The following TMEM132D variants were observed in gnomAD, a reference collection of about 807,000 sequenced individuals.
The protein encoded by TMEM132D is mature OL transmembrane protein.
A neutral mutation model predicts 62.3 loss-of-function variants in TMEM132D; 21 were observed. The observed-to-expected ratio is 0.34, with a 90% CI of 0.24 to 0.49. The LOEUF is 0.49. TMEM132D is among the 20% of genes least tolerant of loss of function. TMEM132D has a pLI of 0.99. For missense variants in TMEM132D, 1,346 were observed against 1,402.8 expected (o/e 0.96, Z 0.65); for synonymous variants, 621 against 575.6 (o/e 1.08, Z -1.13).
chr12:129,455,921 C>G (rs1215593723), intron 3 of TMEM132D, among the ~76,000 whole-genome samples: 1 of 152,106 alleles, frequency 6.6e-6, no homozygotes, highest in African/African-American at 2.4e-5. Context: ...ACCCTACTCT[C>G]TATGTGAAGA....
At chr12:129,712,400 C>T (rs560568275) in intron 1 of TMEM132D, among the ~76,000 whole-genome samples, 7 of 152,114 alleles carry the variant, frequency 4.6e-5, no homozygotes, top group Admixed American at 1.3e-4. Context: ...CTGGGATTAC[C>T]GGCGTGAGCC....
Position 129,558,506 on chromosome 12 carries a change from C to T in TMEM132D, c.969-27301G>A, listed in dbSNP as rs186640227. On this transcript the variant is annotated intron_variant, in intron 2 of 8. Transcript: ENST00000422113. Reference sequence around the variant, plus strand: ...GATCAGCTCAGTGGGTGATTTCGAGCGTGGGCTCCTAAGCTGCTGGGAACG... The same window carrying T: ...GATCAGCTCAGTGGGTGATTTCGAGTGTGGGCTCCTAAGCTGCTGGGAACG... Among the ~76,000 whole-genome samples, 516 of 152,246 alleles carry T rather than the reference C, an allele frequency of 3.4e-3. 1 individual carries two copies. The highest frequency in any genetic ancestry group is 6.4e-3 in the Admixed American group (98 of 15,288).
intron 2 of TMEM132D, among the ~76,000 whole-genome samples, chr12:129,553,547 G>A (rs1876962561): frequency 6.6e-6 from 1 of 152,208 alleles, no homozygotes; most frequent in Admixed American, 6.5e-5. Flanking sequence ...GGGAGAGGGA[G>A]CGTGGATACC....
At chr12:129,424,129 T>G (rs1038004970) in intron 3 of TMEM132D, among the ~76,000 whole-genome samples, 2 of 152,064 alleles carry the variant, frequency 1.3e-5, no homozygotes, top group Non-Finnish European at 2.9e-5. Context: ...ATACTAATAA[T>G]TCTAATGAAA....
At chr12:129,410,595 T>C (rs1269646774) in intron 3 of TMEM132D, among the ~76,000 whole-genome samples, 1 of 152,150 alleles carries the variant, frequency 6.6e-6, no homozygotes, top group Admixed American at 6.5e-5. Flanking sequence ...CCTGACCTCA[T>C]GATCCACCCG....
rs577646067 is a variant in TMEM132D, at chr12:129,183,778, G to A, written c.1443+25742C>T. On this transcript the variant is annotated intron_variant, in intron 5 of 8. Transcript: ENST00000422113. ...TGGGTAGGGACACGGATGATTCTTT[G>A]GAGCTGGGTAGTGGCTGTCCCCTTG... Among the ~76,000 whole-genome samples, 5 of 151,890 alleles carry A rather than the reference G, an allele frequency of 3.3e-5. No individual in the cohort carries two copies. In the East Asian group the frequency reaches 9.7e-4, roughly 30 times the overall value.
At chr12:129,540,784 C>G (rs145622484) in intron 2 of TMEM132D, among the ~76,000 whole-genome samples, 3 of 152,200 alleles carry the variant, frequency 2.0e-5, no homozygotes, top group Non-Finnish European at 4.4e-5. Context: ...GCCACCATGC[C>G]AGCCTCATTC....
At chr12:129,380,764 T>C (rs901582797) in intron 3 of TMEM132D, among the ~76,000 whole-genome samples, 2 of 152,126 alleles carry the variant, frequency 1.3e-5, no homozygotes, top group African/African-American at 4.8e-5. Flanking sequence ...TATTGTGTTC[T>C]CCATCTCTAA....
chr12:129,480,938 G>A (rs753497448), intron 3 of TMEM132D, among the ~76,000 whole-genome samples: 1 of 152,084 alleles, frequency 6.6e-6, no homozygotes, highest in East Asian at 1.9e-4. Context: ...GAGACAACCC[G>A]GACCCCTTTG....
At chr12:129,259,407 C>T (rs938657480) in intron 4 of TMEM132D, among the ~76,000 whole-genome samples, 1 of 152,078 alleles carries the variant, frequency 6.6e-6, no homozygotes, top group Non-Finnish European at 1.5e-5. Context: ...ACTGCAAAAG[C>T]CCTAAAGTAT....
chr12:129,206,786 G>A (rs991381751), intron 5 of TMEM132D, among the ~76,000 whole-genome samples: 11 of 152,200 alleles, frequency 7.2e-5, no homozygotes, highest in African/African-American at 2.4e-4. Flanking sequence ...AAGAGAATGA[G>A]ATCATGTCCT....
chr12:129,123,268 T>C (rs1876117133), intron 5 of TMEM132D, among the ~76,000 whole-genome samples: 1 of 152,230 alleles, frequency 6.6e-6, no homozygotes, highest in Non-Finnish European at 1.5e-5. Flanking sequence ...CATTGTGTTA[T>C]ATTTTATATA....
intron 4 of TMEM132D, among the ~76,000 whole-genome samples, chr12:129,294,330 A>G (rs1047447799): frequency 1.3e-5 from 2 of 152,198 alleles, no homozygotes; most frequent in African/African-American, 2.4e-5. Flanking sequence ...AAACAATGCA[A>G]TGAAGCTTGT....
intron 5 of TMEM132D, among the ~76,000 whole-genome samples, chr12:129,134,977 G>A (rs1388180518): frequency 1.3e-5 from 2 of 152,320 alleles, no homozygotes; most frequent in African/African-American, 2.4e-5. Context: ...GAGTCCTCAC[G>A]TGATATATTA....
At chr12:129,392,603 G>T (rs11060308) in intron 3 of TMEM132D, among the ~76,000 whole-genome samples, 6,118 of 152,282 alleles carry the variant, frequency 0.04, 530 homozygotes, top group East Asian at 0.36. Context: ...GCCAGTGGCG[G>T]CTGTGTTGCT....
intron 1 of TMEM132D, among the ~76,000 whole-genome samples, chr12:129,744,052 TG>T (rs1216028782): frequency 6.6e-6 from 1 of 152,158 alleles, no homozygotes; most frequent in Non-Finnish European, 1.5e-5. Flanking sequence ...CTGCTCAGGA[TG>T]GGGACTGGGT....
intron 5 of TMEM132D, among the ~76,000 whole-genome samples, chr12:129,164,119 C>A (rs935407329): frequency 4.6e-5 from 7 of 152,174 alleles, no homozygotes; most frequent in African/African-American, 1.4e-4. Context: ...CAGAAAAAAA[C>A]CAACAAAACA....
chr12:129,274,704 G>A (rs2135603589), intron 4 of TMEM132D, among the ~76,000 whole-genome samples: 1 of 152,236 alleles, frequency 6.6e-6, no homozygotes, highest in Non-Finnish European at 1.5e-5. Context: ...GGCTACCACA[G>A]TGAAACCCCG....
At chr12:129,511,306 C>G (rs1269814072) in intron 3 of TMEM132D, among the ~76,000 whole-genome samples, 1 of 152,150 alleles carries the variant, frequency 6.6e-6, no homozygotes, top group Non-Finnish European at 1.5e-5. Context: ...TTGTGTCTGG[C>G]TTCTTTCAGT....
Sources: allele counts gnomAD v4.1 joint callset (sites outside exome capture counted in the v4.1 genomes callset), GRCh38; gene constraint gnomAD v4.1.1; transcripts MANE v1.5; gene names NCBI Gene and HGNC (gene_info 2026-07-23, HGNC 2026-07-21).